The following DENND5A variants were observed in gnomAD, a reference collection of about 807,000 sequenced individuals.
DENND5A encodes the protein DENN domain-containing protein 5A.
Under a neutral mutation model 140.3 loss-of-function variants are expected in DENND5A, and 64 were observed. The observed-to-expected ratio is 0.46, with a 90% CI of 0.37 to 0.56. The LOEUF is 0.56. DENND5A is among the 20% of genes least tolerant of loss of function. The pLI is 0.00. For missense variants in DENND5A, 1,292 were observed against 1,593.8 expected, an observed-to-expected ratio of 0.81 and a Z score of 3.22; for synonymous variants, 605 against 607.7, an observed-to-expected ratio of 1.00 and a Z score of 0.07.
chr11:9,232,337 GAAC>G (rs1009746114), intron 1 of DENND5A, among the ~76,000 whole-genome samples: 4 of 151,132 alleles, frequency 2.6e-5, no homozygotes, highest in African/African-American at 9.7e-5. Flanking sequence ...TATATGAAAT[GAAC>G]AAAAAAGACA....
intron 19 of DENND5A, among the ~76,000 whole-genome samples, chr11:9,143,839 C>T (rs1318095346): frequency 6.6e-6 from 1 of 152,210 alleles, no homozygotes; most frequent in Non-Finnish European, 1.5e-5. Context: ...TTTAATGGAT[C>T]ATGCATGAAT....
chr11:9,217,490 G>A (rs1312774520), intron 1 of DENND5A, among the ~76,000 whole-genome samples: 2 of 151,988 alleles, frequency 1.3e-5, no homozygotes, highest in Non-Finnish European at 2.9e-5. Flanking sequence ...CTCCAGCCTG[G>A]GCAATAAGAG....
intron 1 of DENND5A, among the ~76,000 whole-genome samples, chr11:9,220,470 C>T (rs1386766205): frequency 2.0e-5 from 3 of 151,866 alleles, no homozygotes; most frequent in Non-Finnish European, 2.9e-5. Context: ...TCACTTGAAC[C>T]CAGGAGGTGG....
Position 9,265,049 on chromosome 11 carries a change from T to TCCGCCGCCG in DENND5A, c.12_20dup (p.Gly7_Gly9dup). 6.5e-7 allele frequency: 1 copy of TCCGCCGCCG among 1,549,596 alleles called. No individual in the cohort carries two copies. The highest frequency in any genetic ancestry group is 8.7e-7 in the Non-Finnish European group (1 of 1,151,266). ...CGAAGCGACTGGGCGCCGAGCCCCC[T>TCCGCCGCCG]CCGCCGCCGCCGCCACTCATGGCGC... On this transcript the variant is annotated inframe_insertion, in exon 1 of 23. Coordinates refer to ENST00000328194, the MANE Select transcript of DENND5A (RefSeq NM_015213.4). The surrounding 1 kb of genome is among the most constrained non-coding windows in gnomAD (Gnocchi z 4.7).
At chr11:9,148,028 T>C (rs1179829965) in intron 15 of DENND5A, among the ~76,000 whole-genome samples, 3 of 152,344 alleles carry the variant, frequency 2.0e-5, no homozygotes, top group African/African-American at 4.8e-5. Context: ...AGGCCTGTTA[T>C]GTCCAGGTGC....
Position 9,265,112 on chromosome 11 carries a change from G to A in DENND5A, c.-43C>T, listed in dbSNP as rs1852389112. The A allele has an allele frequency of 9.3e-6, 11 of 1,177,908 alleles. No homozygotes were observed. In the East Asian group the frequency reaches 1.1e-4, roughly 12 times the overall value. The allele number at this position is 1,177,908 out of a possible 1,614,324, so 73.0% of individuals were successfully genotyped here. ...CGGCCGGGCAGTGCGGAGCGGCACC[G>A]AGCCCCCGCAACCCGGGCGCCCGCC... On this transcript the variant is annotated 5_prime_UTR_variant, in exon 1 of 23. Transcript: ENST00000328194. The surrounding 1 kb of genome is among the most constrained non-coding windows in gnomAD (Gnocchi z 4.7).
chr11:9,234,321 C>T (rs541267190), intron 1 of DENND5A, among the ~76,000 whole-genome samples: 23 of 151,890 alleles, frequency 1.5e-4, no homozygotes, highest in East Asian at 3.8e-4. Flanking sequence ...GATCCCCCCC[C>T]CAAAAAAATG....
At chr11:9,263,466 C>T (rs887093086) in intron 1 of DENND5A, among the ~76,000 whole-genome samples, 1 of 151,664 alleles carries the variant, frequency 6.6e-6, no homozygotes, top group East Asian at 2.0e-4. Context: ...AGGTGACCCG[C>T]CCGCCTCGGC....
At chr11:9,143,014 G>C (rs1026190425) in intron 20 of DENND5A, 169 bp from the exon 21 acceptor site, 32 of 732,256 alleles carry the variant, frequency 4.4e-5, no homozygotes, top group Non-Finnish European at 6.1e-5. Flanking sequence ...GCAGCTCCCA[G>C]TGAAGAGCTG....
chr11:9,169,906 G>A lies in DENND5A; in HGVS notation c.2101C>T (p.Arg701Trp), dbSNP rs758183835. The change falls in exon 10 of 23, where the codon CGG (arginine) becomes TGG (tryptophan). Residue 701 changes from arginine to tryptophan, a missense_variant. Coordinates refer to ENST00000328194, the MANE Select transcript of DENND5A (RefSeq NM_015213.4). ...AGGTGTTCTGTGTGCTGCTTCTGCCGATCTTTCCGCCTCCACTGGGCAGGG... is the reference window on the plus strand; with the variant it reads ...AGGTGTTCTGTGTGCTGCTTCTGCCAATCTTTCCGCCTCCACTGGGCAGGG... ...NAPAQWRRKD[R>W]QKQHTEHLRL... 38 of 1,613,574 alleles carry A rather than the reference G, an allele frequency of 2.4e-5. No individual in the cohort carries two copies. The East Asian group carries it at 5.6e-4, about 24-fold the overall frequency.
At chr11:9,185,012 G>A (rs1222748172) in intron 5 of DENND5A, among the ~76,000 whole-genome samples, 4 of 152,074 alleles carry the variant, frequency 2.6e-5, no homozygotes, top group Admixed American at 6.6e-5. Flanking sequence ...CCAACATGGC[G>A]AAACCTCATC....
chr11:9,207,755 T>C (rs1849741403), intron 1 of DENND5A, 123 bp from the exon 2 acceptor site: 2 of 658,074 alleles, frequency 3.0e-6, no homozygotes, highest in Non-Finnish European at 5.1e-6. Context: ...CATGTATGTG[T>C]ATACATAAAT....
intron 22 of DENND5A, chr11:9,140,100 G>T (rs913353166): frequency 1.5e-5 from 21 of 1,359,318 alleles, no homozygotes; most frequent in Non-Finnish European, 1.9e-5. Flanking sequence ...TGCCTCCCTC[G>T]CCCTGCCTAG....
At chr11:9,256,698 T>G (rs1383565115) in intron 1 of DENND5A, among the ~76,000 whole-genome samples, 1 of 152,070 alleles carries the variant, frequency 6.6e-6, no homozygotes, top group Non-Finnish European at 1.5e-5. Flanking sequence ...TCTATAGAGA[T>G]AGAAAGTAGA....
At chr11:9,190,128 T>G (rs1176487192) in intron 5 of DENND5A, among the ~76,000 whole-genome samples, 1 of 152,246 alleles carries the variant, frequency 6.6e-6, no homozygotes. Flanking sequence ...ACCCTCATTG[T>G]ATCTAGGAAG....
At chr11:9,243,967 T>C (rs1246605136) in intron 1 of DENND5A, among the ~76,000 whole-genome samples, 1 of 152,246 alleles carries the variant, frequency 6.6e-6, no homozygotes, top group African/African-American at 2.4e-5. Context: ...CAGTATATAA[T>C]ACATTTAACA....
chr11:9,261,534 T>G (rs1381098007), intron 1 of DENND5A, among the ~76,000 whole-genome samples: 1 of 151,938 alleles, frequency 6.6e-6, no homozygotes, highest in Non-Finnish European at 1.5e-5. Flanking sequence ...TCCTAGCATT[T>G]TGGGAGGCCG....
intron 1 of DENND5A, among the ~76,000 whole-genome samples, chr11:9,246,957 G>A (rs1262862973): frequency 6.6e-6 from 1 of 152,060 alleles, no homozygotes; most frequent in Non-Finnish European, 1.5e-5. Context: ...TTGGCCGGGC[G>A]CGGTGGCTCA....
intron 2 of DENND5A, chr11:9,207,078 G>C: frequency 2.2e-6 from 1 of 453,650 alleles, no homozygotes; most frequent in Admixed American, 3.9e-5. Flanking sequence ...AAAGCACAAG[G>C]AATGACAAGG....
Sources: gnomAD v4.1 joint callset for allele counts (sites outside exome capture counted in the v4.1 genomes callset) on GRCh38, gnomAD v4.1.1 for gene constraint, Gnocchi (gnomAD v3.1) non-coding constraint, MANE v1.5 for transcripts, NCBI Gene and HGNC (gene_info 2026-07-23, HGNC 2026-07-21) for gene names.